The following NRK variants were observed in gnomAD, a reference collection of about 807,000 sequenced individuals.
NRK encodes the protein nik-related protein kinase.
In NRK, 67 loss-of-function variants were observed where a neutral mutation model predicts 125.2. The ratio of observed to expected loss-of-function variants is 0.54; its 90% confidence interval spans 0.44 to 0.66. The LOEUF (loss-of-function observed/expected upper bound fraction) is 0.66, where lower values mean the gene tolerates loss of function less well. NRK is among the 30% of genes least tolerant of loss of function. The pLI, the probability that NRK is intolerant of heterozygous loss-of-function variation, is 0.00. For synonymous variants in NRK, 458 were observed against 429.0 expected (o/e 1.07, Z -0.84); for missense variants, 1,224 against 1,192.9 (o/e 1.03, Z -0.38).
At chrX:105,927,189 A>G (rs1220567920) in intron 19 of NRK, among the ~76,000 whole-genome samples, 1 of 110,210 alleles carries the variant, frequency 9.1e-6, no homozygotes, top group African/African-American at 3.3e-5. Flanking sequence ...TCTTGTAGAG[A>G]TCTTTCACCT....
chrX:105,829,028 T>G (rs1297389792), intron 1 of NRK, among the ~76,000 whole-genome samples: 1 of 112,154 alleles, frequency 8.9e-6, no homozygotes, highest in African/African-American at 3.2e-5. Flanking sequence ...ATCTAGATTT[T>G]AGAATGACTG....
chrX:105,861,956 A>G (rs1329318962), intron 2 of NRK, among the ~76,000 whole-genome samples: 4 of 111,547 alleles, frequency 3.6e-5, no homozygotes, highest in African/African-American at 1.3e-4. Context: ...CCAGCTAATC[A>G]GGAGGCTGAG....
chrX:105,941,167 G>C (rs948796675), intron 23 of NRK, among the ~76,000 whole-genome samples: 10 of 111,327 alleles, frequency 9.0e-5, no homozygotes, highest in African/African-American at 3.3e-4. Context: ...TTCAGTAAGA[G>C]ATAGTCACAA....
intron 2 of NRK, among the ~76,000 whole-genome samples, chrX:105,851,215 G>A (rs899180220): frequency 1.9e-4 from 21 of 111,961 alleles, no homozygotes; most frequent in Middle Eastern, 4.6e-3. Context: ...ATCTTCTGGA[G>A]GAATCATTTG....
In NRK at chrX:105,944,024, G is replaced by GA; in HGVS notation, c.4045dup (p.Ser1349LysfsTer5). ...TGCATGGGCACCAAAGTCCTTTGAT[G>GA]AAAGCACTGCTATTAAAGTGAGTGA... On this transcript the variant is annotated frameshift_variant, in exon 24 of 29. Transcript: ENST00000243300. LOFTEE classifies it high-confidence loss of function. 1 of 1,116,429 alleles carries GA rather than the reference G, an allele frequency of 9.0e-7. No homozygotes were observed. Among genetic ancestry groups the GA allele is most frequent in the South Asian group, 1.9e-5 (1 of 51,329 alleles). The allele number at this position is 1,116,429 out of a possible 1,213,427, so 92.0% of individuals were successfully genotyped here.
intron 25 of NRK, 88 bp downstream of exon 25, chrX:105,946,103 A>G: frequency 1.1e-6 from 1 of 951,581 alleles, no homozygotes; most frequent in Admixed American, 3.3e-5. Flanking sequence ...GAGAAACTCA[A>G]TATTTTGAAG....
intron 9 of NRK, among the ~76,000 whole-genome samples, chrX:105,901,173 A>G (rs1467850921): frequency 6.3e-5 from 7 of 110,380 alleles, no homozygotes; most frequent in Non-Finnish European, 1.3e-4. Context: ...TCTGGAGTCA[A>G]TTCAACTTAC....
At chrX:105,952,001 A>C (rs1386978119) in intron 27 of NRK, among the ~76,000 whole-genome samples, 1 of 112,387 alleles carries the variant, frequency 8.9e-6, no homozygotes, top group East Asian at 2.8e-4. Flanking sequence ...GATTTTCCTT[A>C]TTTCCCTTAT....
At chrX:105,950,556 G>C (rs1334280857) in intron 27 of NRK, among the ~76,000 whole-genome samples, 1 of 106,572 alleles carries the variant, frequency 9.4e-6, no homozygotes, top group African/African-American at 3.4e-5. Context: ...GTGTGTGTGT[G>C]TGTGTGTGTG....
intron 2 of NRK, among the ~76,000 whole-genome samples, chrX:105,833,800 T>C (rs772148485): frequency 8.1e-5 from 9 of 111,543 alleles, no homozygotes; most frequent in African/African-American, 2.9e-4. Flanking sequence ...AGATTTTCAA[T>C]GTACATCTTA....
intron 24 of NRK, 92 bp from the exon 25 acceptor site, chrX:105,945,780 C>A (rs1476623389): frequency 2.6e-6 from 2 of 760,976 alleles, no homozygotes; most frequent in Non-Finnish European, 3.9e-6. Context: ...TCCTGTTTGG[C>A]CTTTTGTTTT....
chrX:105,857,321 G>A (rs2039543221), intron 2 of NRK, among the ~76,000 whole-genome samples: 1 of 111,488 alleles, frequency 9.0e-6, no homozygotes, highest in African/African-American at 3.3e-5. Context: ...CCAGCAACCA[G>A]ATGCAAACAA....
At chrX:105,899,958 A>G (rs1240202868) in intron 8 of NRK, among the ~76,000 whole-genome samples, 1 of 108,256 alleles carries the variant, frequency 9.2e-6, no homozygotes, top group South Asian at 4.1e-4. Flanking sequence ...ACAGAGTGAG[A>G]CTCTGTCTCA....
rs986860681 is a variant in NRK at position 105,844,214 on chromosome X, C to T, written c.123+13095C>T. Among the ~76,000 whole-genome samples, 21 of 110,760 alleles carry T rather than the reference C, an allele frequency of 1.9e-4. 1 individual carries two copies. Among genetic ancestry groups the T allele is most frequent in the African/African-American group, 6.6e-4 (20 of 30,427 alleles). ...TAGTGGTATATTCCCCTCTGCTGCA[C>T]TAAGAGCAAGGAGGAACATACATGA... On this transcript the variant is annotated intron_variant, in intron 2 of 28. Coordinates refer to ENST00000243300, the MANE Select transcript of NRK (RefSeq NM_198465.4).
At position 105,909,742 on chromosome X, in the gene NRK, C is replaced by T; in HGVS notation, c.2101C>T (p.Pro701Ser). 8.5e-7 allele frequency: 1 copy of T among 1,182,598 alleles called. No individual in the cohort carries two copies. The highest frequency in any genetic ancestry group is 3.1e-5 in the East Asian group (1 of 32,161). Residue 701 changes from proline to serine, a missense_variant, in exon 13 of 29, where the codon CCA (proline) becomes TCA (serine). Pro to Ser is a moderately conservative substitution (Grantham distance 74). Coordinates refer to ENST00000243300, the MANE Select transcript of NRK (RefSeq NM_198465.4). The part of the protein sequence containing the change: ...LRQALAKRLS[P>S]KRFRAKSSWR... ...GCAAGCACTGGCAAAAAGACTATCA[C>T]CAAAGAGGTTCAGGGCAAAGTCATC...
rs1049553317 is a variant in NRK at position 105,873,548 on chromosome X, G to T, written c.124-6651G>T. Among the ~76,000 whole-genome samples, 7 of 111,630 alleles carry T rather than the reference G, an allele frequency of 6.3e-5. No individual in the cohort carries two copies. In the East Asian group the frequency reaches 1.7e-3, roughly 27 times the overall value. On this transcript the variant is annotated intron_variant, in intron 2 of 28. Coordinates refer to ENST00000243300, the MANE Select transcript of NRK (RefSeq NM_198465.4). Reference sequence around the variant, plus strand: ...ATGACTTCTGTCTTCTATTAAACAAGATTTTATTTAAAAAAATTTTACACT... The same window carrying T: ...ATGACTTCTGTCTTCTATTAAACAATATTTTATTTAAAAAAATTTTACACT...
intron 2 of NRK, among the ~76,000 whole-genome samples, chrX:105,856,656 C>T (rs1348332970): frequency 1.8e-5 from 2 of 111,010 alleles, no homozygotes; most frequent in African/African-American, 3.3e-5. Flanking sequence ...GATTAAAGGG[C>T]CTGATTTTCT....
intron 2 of NRK, among the ~76,000 whole-genome samples, chrX:105,846,222 A>T (rs1249959682): frequency 9.0e-6 from 1 of 111,664 alleles, no homozygotes; most frequent in African/African-American, 3.3e-5. Flanking sequence ...TAATCTATAG[A>T]TTTCTCACAG....
At chrX:105,933,136 A>G (rs1442360545) in intron 19 of NRK, among the ~76,000 whole-genome samples, 3 of 109,349 alleles carry the variant, frequency 2.7e-5, no homozygotes, top group Non-Finnish European at 5.7e-5. Context: ...CTAATGGGAA[A>G]GCAGTGTCAG....
Sources: allele counts gnomAD v4.1 joint callset (sites outside exome capture counted in the v4.1 genomes callset), GRCh38; gene constraint gnomAD v4.1.1; transcripts MANE v1.5; gene names NCBI Gene and HGNC (gene_info 2026-07-23, HGNC 2026-07-21).